BPNT2: variants seen among roughly 807,000 people sequenced by gnomAD.
BPNT2 encodes the protein 3'(2'), 5'-bisphosphate nucleotidase 2.
BPNT2 carries 11 observed loss-of-function variants against 29.3 expected under a neutral mutation model. The observed-to-expected ratio is 0.38, with a 90% confidence interval of 0.24 to 0.62. The LOEUF is 0.62. BPNT2 is among the 20% of genes least tolerant of loss of function. The probability of loss-of-function intolerance (pLI) is 0.62; values close to 1 mark genes in which losing one functional copy is unlikely to be tolerated. For synonymous variants in BPNT2, 195 were observed against 187.7 expected, an observed-to-expected ratio of 1.04 and a Z score of -0.32; for missense variants, 459 against 473.4, an observed-to-expected ratio of 0.97 and a Z score of 0.28.
intron 1 of BPNT2, among the ~76,000 whole-genome samples, chr8:56,983,330 C>T (rs1423333187): frequency 1.3e-5 from 2 of 152,072 alleles, no homozygotes; most frequent in Non-Finnish European, 2.9e-5. Context: ...AGAAAATAAG[C>T]CTGGCAGGCA....
chr8:56,964,351 T>C (rs1458258924), intron 4 of BPNT2: 2 of 273,762 alleles, frequency 7.3e-6, no homozygotes, highest in Non-Finnish European at 1.4e-5. Flanking sequence ...CAGGCTGGAG[T>C]GCAACAGCGC....
chr8:56,984,179 C>G (rs1806291002), intron 1 of BPNT2, among the ~76,000 whole-genome samples: 1 of 152,156 alleles, frequency 6.6e-6, no homozygotes, highest in Admixed American at 6.5e-5. Context: ...TCTCCATGTA[C>G]TTGCAGCTGA....
chr8:56,972,081 G>A (rs138861645), intron 3 of BPNT2, among the ~76,000 whole-genome samples: 111 of 150,612 alleles, frequency 7.4e-4, no homozygotes, highest in African/African-American at 2.3e-3. Context: ...GCGAGACTCC[G>A]TCTCAAAAAA....
chr8:56,990,717 G>A (rs189022171), intron 1 of BPNT2, among the ~76,000 whole-genome samples: 54 of 152,092 alleles, frequency 3.6e-4, no homozygotes, highest in Middle Eastern at 3.4e-3. Flanking sequence ...ACCCCTGGTT[G>A]TGACAATCAA....
In BPNT2 at chr8:56,980,203, T is replaced by C. The variant is rs372205204; in HGVS notation, c.388-6A>G. ...ACGTGTTCCTCAGTATTAATCTGCA[T>C]TAAAAACAGGTGACAGTTAAAAAAA... On this transcript the variant is annotated splice_polypyrimidine_tract_variant and splice_region_variant and intron_variant, in intron 1 of 4. Transcript: ENST00000262644. 1 of 1,612,368 alleles carries C rather than the reference T, an allele frequency of 6.2e-7. No individual in the cohort carries two copies. The highest frequency in any genetic ancestry group is 8.5e-7 in the Non-Finnish European group (1 of 1,178,580).
intron 1 of BPNT2, among the ~76,000 whole-genome samples, chr8:56,985,235 T>C (rs1243915538): frequency 1.3e-5 from 2 of 152,108 alleles, no homozygotes; most frequent in Non-Finnish European, 2.9e-5. Flanking sequence ...TGTAGCTCCA[T>C]CCCCATTGTC....
intron 3 of BPNT2, among the ~76,000 whole-genome samples, chr8:56,977,579 A>G (rs553143474): frequency 5.9e-4 from 90 of 152,296 alleles, no homozygotes; most frequent in African/African-American, 2.1e-3. Flanking sequence ...CCTCACTCCC[A>G]GCACCTTGAA....
rs1286170963 is a variant in BPNT2 at position 56,960,965 on chromosome 8, A to T, written c.*2828T>A. 2 of 152,092 alleles carry T rather than the reference A, an allele frequency of 1.3e-5. No individual in the cohort carries two copies. Among genetic ancestry groups the T allele is most frequent in the Non-Finnish European group, 2.9e-5 (2 of 68,030 alleles). 9.4% of individuals were successfully genotyped at this position (152,092 alleles called of 1,614,324 possible). Reference sequence around the variant, plus strand: ...AAATGTATATCTAAAAGAATTTGGGAGTGAGAGTTGTGAGGGAAGTATCCT... The same window carrying T: ...AAATGTATATCTAAAAGAATTTGGGTGTGAGAGTTGTGAGGGAAGTATCCT... On this transcript the variant is annotated 3_prime_UTR_variant, in exon 5 of 5. Transcript: ENST00000262644.
rs191353120 is a variant in BPNT2 at position 56,966,841 on chromosome 8, T to C, written c.647-489A>G. Reference sequence around the variant, plus strand: ...CAATTTTAAAATGCATTTTCTCCTATACTGCCTCCACTTCTATATACTCAT... The same window carrying C: ...CAATTTTAAAATGCATTTTCTCCTACACTGCCTCCACTTCTATATACTCAT... On this transcript the variant is annotated intron_variant, in intron 3 of 4. Transcript: ENST00000262644. 3.3e-3 allele frequency among the ~76,000 whole-genome samples: 503 copies of C among 152,352 alleles called. 6 individuals are homozygous for C. Among genetic ancestry groups the C allele is most frequent in the African/African-American group, 0.012 (482 of 41,590 alleles).
Position 56,980,291 on chromosome 8 carries a change from T to C in BPNT2, c.388-94A>G, listed in dbSNP as rs573642391. ...TATTTCAGACAACAATCACCCAAAT[T>C]ATAAATAAGTAAATCCCTATTTTTA... On this transcript the variant is annotated intron_variant, in intron 1 of 4. Coordinates refer to ENST00000262644, the MANE Select transcript of BPNT2 (RefSeq NM_017813.5). 214 of 946,008 alleles carry C rather than the reference T, an allele frequency of 2.3e-4. 3 individuals are homozygous for C. In the South Asian group the frequency reaches 2.8e-3, roughly 13 times the overall value. The allele number at this position is 946,008 out of a possible 1,614,324, so 58.6% of individuals were successfully genotyped here.
chr8:56,977,649 C>A (rs975958280), intron 3 of BPNT2, among the ~76,000 whole-genome samples: 6 of 152,022 alleles, frequency 3.9e-5, no homozygotes, highest in Non-Finnish European at 8.8e-5. Context: ...TGAGGTCACA[C>A]TAGAGTAGGG....
At chr8:56,969,474 T>G (rs574258391) in intron 3 of BPNT2, among the ~76,000 whole-genome samples, 1 of 152,054 alleles carries the variant, frequency 6.6e-6, no homozygotes, top group Non-Finnish European at 1.5e-5. Context: ...AAGATGGGAA[T>G]AAGGTAAAAG....
chr8:56,967,226 G>GA (rs1273140209), intron 3 of BPNT2: 5 of 456,098 alleles, frequency 1.1e-5, no homozygotes, highest in Admixed American at 2.4e-5. Flanking sequence ...TGGCTGCAGA[G>GA]AAAAAAATCA....
At chr8:56,967,135 G>A (rs1443942974) in intron 3 of BPNT2, 4 of 456,064 alleles carry the variant, frequency 8.8e-6, no homozygotes, top group Admixed American at 2.3e-5. Flanking sequence ...TTAGATTGTT[G>A]TTTTAGCAGT....
In BPNT2 at chr8:56,963,812, T is replaced by A. The variant is rs1200998344; in HGVS notation, c.1061A>T (p.Glu354Val). The change falls in exon 5 of 5, where the codon GAA (glutamate) becomes GTA (valine). Residue 354 changes from glutamate (E) to valine (V), a missense_variant. Coordinates refer to ENST00000262644, the MANE Select transcript of BPNT2 (RefSeq NM_017813.5). ...TTATGCTCATTTATGTCCTGTCTTT[T>A]CTAGATCTGGGAGTTTTCTGACCAG... ...QALVRKLPDL[E>V]KTGHK 1 of 1,614,090 alleles carries A rather than the reference T, an allele frequency of 6.2e-7. No homozygotes were observed. The highest frequency in any genetic ancestry group is 1.3e-5 in the African/African-American group (1 of 74,928).
intron 1 of BPNT2, among the ~76,000 whole-genome samples, chr8:56,983,134 T>C (rs1806271708): frequency 6.6e-6 from 1 of 152,162 alleles, no homozygotes; most frequent in South Asian, 2.1e-4. Flanking sequence ...GGTGAAAATG[T>C]TCTAAAACTG....
At position 56,962,907 on chromosome 8, in the gene BPNT2, T is replaced by C. The variant is rs1805862124; in HGVS notation, c.*886A>G. The C allele has an allele frequency of 6.6e-6, 1 of 152,236 alleles. No homozygotes were observed. Among genetic ancestry groups the C allele is most frequent in the African/African-American group, 2.4e-5 (1 of 41,466 alleles). The allele number at this position is 152,236 out of a possible 1,614,324, so 9.4% of individuals were successfully genotyped here. A position where few individuals can be genotyped will look rare whatever the true frequency, so the allele number is the denominator to read the frequency against. ...CTTTCAATTGTAATAGAATCATTTA[T>C]ATTCTTATAGTGCCTTACAGCATAT... On this transcript the variant is annotated 3_prime_UTR_variant, in exon 5 of 5. Transcript: ENST00000262644.
At chr8:56,975,325 T>C (rs1342245171) in intron 3 of BPNT2, among the ~76,000 whole-genome samples, 1 of 152,188 alleles carries the variant, frequency 6.6e-6, no homozygotes, top group Non-Finnish European at 1.5e-5. Flanking sequence ...GAAACCCTTC[T>C]TGAACCACTG....
In BPNT2 at chr8:56,959,073, T is replaced by C. The variant is rs1211783020; in HGVS notation, c.*4720A>G. 1.3e-5 allele frequency: 2 copies of C among 152,204 alleles called. No individual in the cohort carries two copies. Among genetic ancestry groups the C allele is most frequent in the African/African-American group, 4.8e-5 (2 of 41,452 alleles). 9.4% of individuals were successfully genotyped at this position (152,204 alleles called of 1,614,324 possible). A position where few individuals can be genotyped will look rare whatever the true frequency, so the allele number is the denominator to read the frequency against. ...CCTCAAAATGAATTTTAAGGGAACA[T>C]ATTACTAATCAAATAACACAGTTTA... On this transcript the variant is annotated 3_prime_UTR_variant, in exon 5 of 5. Transcript: ENST00000262644.
Sources: gnomAD v4.1 joint callset for allele counts (sites outside exome capture counted in the v4.1 genomes callset) on GRCh38, gnomAD v4.1.1 for gene constraint, MANE v1.5 for transcripts, NCBI Gene and HGNC (gene_info 2026-07-23, HGNC 2026-07-21) for gene names.